CLCN6: variants seen among roughly 807,000 people sequenced by gnomAD.
CLCN6 encodes Cl-/H+ antiporter 6.
CLCN6 carries 70 observed loss-of-function variants against 109.8 expected under a neutral mutation model. That is an observed-to-expected ratio of 0.64 (90% confidence interval 0.53 to 0.78). The LOEUF is 0.78. Ranked by LOEUF, CLCN6 falls within the 30% of genes least tolerant of loss-of-function variation. The pLI is 0.00. For missense variants in CLCN6, 984 were observed against 1,142.3 expected (o/e 0.86, Z 2.00); for synonymous variants, 444 against 447.8 (o/e 0.99, Z 0.11).
In CLCN6 at chr1:11,812,124, AG is replaced by A. The variant is rs1043536114; in HGVS notation, c.148-3721del. Reference sequence around the variant, plus strand: ...GAAAGACCCCATCTCAAAAAAAAAAAGTAGTAGGTTGTCACCTGCATTTCTC... The same window carrying A: ...GAAAGACCCCATCTCAAAAAAAAAAATAGTAGGTTGTCACCTGCATTTCTC... On this transcript the variant is annotated intron_variant, in intron 2 of 22. Transcript: ENST00000346436. Among the ~76,000 whole-genome samples, 3 of 152,112 alleles carry A rather than the reference AG, an allele frequency of 2.0e-5. No homozygotes were observed. The East Asian group carries it at 5.8e-4, about 29-fold the overall frequency.
At position 11,823,827 on chromosome 1, in the gene CLCN6, G is replaced by A; in HGVS notation, c.574G>A (p.Ala192Thr). 1 of 1,614,234 alleles carries A rather than the reference G, an allele frequency of 6.2e-7. No homozygotes were observed. Among genetic ancestry groups the A allele is most frequent in the Non-Finnish European group, 8.5e-7 (1 of 1,180,030 alleles). The change falls in exon 7 of 23, where the codon GCT becomes ACT. Residue 192 changes from alanine to threonine, a missense_variant. Coordinates refer to ENST00000346436, the MANE Select transcript of CLCN6 (RefSeq NM_001286.5). ...GGTCCTTGGAGTGCTGTTCAGTGTG[G>A]CTGGAGGTAAGAAGGGTCCAACTTG... is the stretch of plus-strand genomic sequence containing the variant. ...CKVLGVLFSV[A>T]GGLFVEKEGP...
At chr1:11,810,473 G>A (rs539144637) in intron 2 of CLCN6, among the ~76,000 whole-genome samples, 5 of 152,282 alleles carry the variant, frequency 3.3e-5, no homozygotes, top group Admixed American at 6.5e-5. Context: ...CCAGTTGAAG[G>A]TGGTTTTGGT....
At chr1:11,826,527 A>G (rs1391559633) in intron 9 of CLCN6, among the ~76,000 whole-genome samples, 1 of 152,160 alleles carries the variant, frequency 6.6e-6, no homozygotes, top group Non-Finnish European at 1.5e-5. Context: ...TTCCCCAGTG[A>G]TTCACTTGGT....
At chr1:11,838,788 TAG>T (rs1644983811) in intron 22 of CLCN6, 128 bp downstream of exon 22, 7 of 1,382,116 alleles carry the variant, frequency 5.1e-6, no homozygotes, top group Middle Eastern at 1.8e-4. Flanking sequence ...GGCCCAACAC[TAG>T]CTTTGAACCC....
intron 22 of CLCN6, among the ~76,000 whole-genome samples, chr1:11,839,706 T>C (rs1442391066): frequency 6.6e-6 from 1 of 152,268 alleles, no homozygotes; most frequent in East Asian, 1.9e-4. Context: ...GACGTGGCTT[T>C]GGAGTTCCCA....
chr1:11,818,396 T>C (rs1290898863), intron 4 of CLCN6, among the ~76,000 whole-genome samples: 1 of 152,172 alleles, frequency 6.6e-6, no homozygotes, highest in Non-Finnish European at 1.5e-5. Context: ...GGATTTGGGA[T>C]GTTTAATCAG....
chr1:11,817,752 C>G (rs1252448662), intron 4 of CLCN6, among the ~76,000 whole-genome samples: 1 of 151,736 alleles, frequency 6.6e-6, no homozygotes, highest in Non-Finnish European at 1.5e-5. Flanking sequence ...CATGATATGC[C>G]TAGAAAATGT....
At chr1:11,837,541 C>T (rs773631707) in intron 20 of CLCN6, 42 bp downstream of exon 20, 29 of 1,592,038 alleles carry the variant, frequency 1.8e-5, no homozygotes, top group South Asian at 3.3e-5. Context: ...CCAGACCTGA[C>T]GAAGCTCGAG....
intron 22 of CLCN6, chr1:11,838,914 C>G (rs1486958448): frequency 1.4e-6 from 1 of 719,762 alleles, no homozygotes; most frequent in South Asian, 1.5e-5. Context: ...CTGTGTCTTC[C>G]TCCTGAAATG....
chr1:11,838,196 T>C (rs111501684), intron 20 of CLCN6, 139 bp from the exon 21 acceptor site: 3 of 759,680 alleles, frequency 3.9e-6, no homozygotes, highest in African/African-American at 3.5e-5. Context: ...GCTCTCACTC[T>C]GGAGCGCTTG....
chr1:11,833,876 G>A lies in CLCN6; in HGVS notation c.1373-1G>A. ...GACTCAGGTTGGCTCTTCCCTTGCA[G>A]GTACTTTCAGCCCCGTCACTCTGGC... On this transcript the variant is annotated splice_acceptor_variant, in intron 14 of 22. Transcript: ENST00000346436. LOFTEE classifies it high-confidence loss of function. The A allele has an allele frequency of 6.2e-7, 1 of 1,608,878 alleles. No individual in the cohort carries two copies. The highest frequency in any genetic ancestry group is 8.5e-7 in the Non-Finnish European group (1 of 1,177,796).
chr1:11,833,742 C>T (rs1644908463), intron 14 of CLCN6, 104 bp downstream of exon 14: 1 of 1,568,886 alleles, frequency 6.4e-7, no homozygotes, highest in Non-Finnish European at 8.6e-7. Context: ...TTTGTAACGC[C>T]CACCCAGACA....
chr1:11,816,812 T>C (rs1429033408), intron 4 of CLCN6, 132 bp downstream of exon 4: 1 of 568,446 alleles, frequency 1.8e-6, no homozygotes, highest in East Asian at 3.6e-5. Context: ...ATAACACTTG[T>C]CATTATAATC....
chr1:11,836,371 G>A (rs1262936028), intron 18 of CLCN6, among the ~76,000 whole-genome samples: 2 of 152,230 alleles, frequency 1.3e-5, no homozygotes, highest in Admixed American at 6.5e-5. Flanking sequence ...CAATGAGCAT[G>A]TGGACAGATC....
intron 14 of CLCN6, 33 bp from the exon 15 acceptor site, chr1:11,833,844 G>A: frequency 2.5e-6 from 4 of 1,596,000 alleles, no homozygotes; most frequent in Non-Finnish European, 2.6e-6. Context: ...CAGGCATCCG[G>A]TAGTGGGACT....
chr1:11,814,588 C>T (rs1644644195), intron 2 of CLCN6, among the ~76,000 whole-genome samples: 1 of 152,036 alleles, frequency 6.6e-6, no homozygotes, highest in Non-Finnish European at 1.5e-5. Flanking sequence ...AAATGATTTC[C>T]TTTGAATTGT....
chr1:11,824,548 C>G lies in CLCN6; in HGVS notation c.643C>G (p.Pro215Ala). 1 of 1,613,326 alleles carries G rather than the reference C, an allele frequency of 6.2e-7. No homozygotes were observed. Among genetic ancestry groups the G allele is most frequent in the South Asian group, 1.1e-5 (1 of 90,942 alleles). The change falls in exon 8 of 23, where the codon CCT becomes GCT. Residue 215 changes from proline (P) to alanine (A), a missense_variant. Coordinates refer to ENST00000346436, the MANE Select transcript of CLCN6 (RefSeq NM_001286.5). ...HSGSVVGAGL[P>A]QFQSISLRKI... ...TGGTTCGGTGGTGGGAGCTGGCCTC[C>G]CTCAGGTAAGATGGGCTGAGAGGGT...
intron 13 of CLCN6, among the ~76,000 whole-genome samples, chr1:11,829,632 C>T (rs949281150): frequency 7.0e-6 from 1 of 143,778 alleles, no homozygotes; most frequent in Non-Finnish European, 1.5e-5. Context: ...CTGGGAACAA[C>T]CCTGGCGTCA....
Position 11,842,704 on chromosome 1 carries a change from C to G in CLCN6, c.*2481C>G, listed in dbSNP as rs1173464455. 6.6e-6 allele frequency: 1 copy of G among 152,318 alleles called. No homozygotes were observed. Among genetic ancestry groups the G allele is most frequent in the Non-Finnish European group, 1.5e-5 (1 of 68,064 alleles). The allele number at this position is 152,318 out of a possible 1,614,324, so 9.4% of individuals were successfully genotyped here. ...GATCAGGGAGTGGGGCCAATGGGCCCCCGGCCCTGGCTTTGGGACCTTGTG... is the reference window on the plus strand; with the variant it reads ...GATCAGGGAGTGGGGCCAATGGGCCGCCGGCCCTGGCTTTGGGACCTTGTG... On this transcript the variant is annotated 3_prime_UTR_variant, in exon 23 of 23. Coordinates refer to ENST00000346436, the MANE Select transcript of CLCN6 (RefSeq NM_001286.5).
Sources: gnomAD v4.1 joint callset for allele counts (sites outside exome capture counted in the v4.1 genomes callset) on GRCh38, gnomAD v4.1.1 for gene constraint, MANE v1.5 for transcripts, NCBI Gene and HGNC (gene_info 2026-07-23, HGNC 2026-07-21) for gene names.